ABCC8: variants seen among roughly 807,000 people sequenced by gnomAD.
ABCC8 encodes the protein ATP binding cassette subfamily C member 8, also known as ATP-binding cassette sub-family C member 8.
Under a neutral mutation model 188.0 loss-of-function variants are expected in ABCC8, and 137 were observed. The ratio of observed to expected loss-of-function variants is 0.73; its 90% confidence interval spans 0.63 to 0.84. The LOEUF (loss-of-function observed/expected upper bound fraction) is 0.84. Among genes scored for constraint, ABCC8 ranks in the 40% least tolerant of loss-of-function variants. ABCC8 has a pLI of 0.00. For synonymous variants in ABCC8, 797 were observed against 846.5 expected (o/e 0.94, Z 1.01); for missense variants, 1,750 against 2,072.7 (o/e 0.84, Z 3.02).
Position 17,397,005 on chromosome 11 carries a change from T to C in ABCC8, c.4030A>G (p.Ile1344Val). ...CGCACGCTCAGGTTCTGGATCTGGA[T>C]CTTCCCTTGGTCTGGCCAGTTCTTT... ...IPKNWPDQGK[I>V]QIQNLSVRYD... is the part of the protein sequence containing the mutation. Residue 1344 changes from isoleucine to valine, a missense_variant, in exon 33 of 39, where the codon ATC becomes GTC. Transcript: ENST00000389817. The C allele has an allele frequency of 6.2e-7, 1 of 1,614,192 alleles. No individual in the cohort carries two copies. Among genetic ancestry groups the C allele is most frequent in the Non-Finnish European group, 8.5e-7 (1 of 1,180,016 alleles).
intron 23 of ABCC8, 87 bp from the exon 24 acceptor site, chr11:17,407,540 T>C: frequency 6.3e-7 from 1 of 1,589,670 alleles, no homozygotes; most frequent in Non-Finnish European, 8.6e-7. Flanking sequence ...ACTCTGGTGA[T>C]GACCAATGTC....
chr11:17,397,238 G>C lies in ABCC8; in HGVS notation c.3943C>G (p.His1315Asp). 6.2e-7 allele frequency: 1 copy of C among 1,613,766 alleles called. No homozygotes were observed. The highest frequency in any genetic ancestry group is 1.3e-5 in the African/African-American group (1 of 75,044). The change falls in exon 32 of 39, where the codon CAT becomes GAT. Residue 1315 changes from histidine to aspartate, a missense_variant. By Grantham distance (81) the His-to-Asp change is moderately conservative. Coordinates refer to ENST00000389817, the MANE Select transcript of ABCC8 (RefSeq NM_000352.6). The part of the protein sequence containing the change: ...ELQLGAVKRI[H>D]GLLKTEAESY... ...TCTGCCTCGGTTTTCAGGAGCCCAT[G>C]GATGCGCTTCACAGCCCCCAGCTGG...
chr11:17,448,282 T>C (rs1956617345), intron 8 of ABCC8: 1 of 540,128 alleles, frequency 1.9e-6, no homozygotes, highest in Non-Finnish European at 3.3e-6. Flanking sequence ...GTTGGCTCCA[T>C]TTTTAAAGTC....
rs182340196 is a variant in ABCC8 at position 17,405,481 on chromosome 11, C to T, written c.3399+13G>A. On this transcript the variant is annotated intron_variant, in intron 27 of 38. Transcript: ENST00000389817. The stretch of plus-strand genomic sequence containing the variant: ...CTCTGGAAGGGGGGATAGTGTGGCA[C>T]GGTCCTCTGTACCTGGTCGATGGTG... 1,882 of 1,614,152 alleles carry T rather than the reference C, an allele frequency of 1.2e-3. 1 individual carries two copies. The highest frequency in any genetic ancestry group is 2.7e-3 in the African/African-American group (201 of 75,042).
At chr11:17,455,054 C>G (rs1318294691) in intron 6 of ABCC8, among the ~76,000 whole-genome samples, 1 of 152,174 alleles carries the variant, frequency 6.6e-6, no homozygotes, top group Non-Finnish European at 1.5e-5. Flanking sequence ...TTTAAAGCAA[C>G]AACACATCAT....
At chr11:17,414,782 T>A in intron 18 of ABCC8, 172 bp from the exon 19 acceptor site, 3 of 840,920 alleles carry the variant, frequency 3.6e-6, no homozygotes, top group Non-Finnish European at 4.3e-6. Flanking sequence ...CAGGCAGGTT[T>A]GAGAGGTCTG....
At chr11:17,393,943 G>C (rs912190433) in intron 37 of ABCC8, 184 bp from the exon 38 acceptor site, 1 of 774,672 alleles carries the variant, frequency 1.3e-6, no homozygotes, top group Non-Finnish European at 1.6e-6. Flanking sequence ...CCTGTTGGGA[G>C]CTCAGCTCTG....
chr11:17,474,974 A>G lies in ABCC8; in HGVS notation c.202T>C (p.Phe68Leu). ...VHIHHSTWLH[F>L]PGHNLRWILT... The stretch of plus-strand genomic sequence containing the variant: ...ATCCACCGCAGGTTGTGCCCAGGGA[A>G]ATGAAGCCATGTGCTGTGGTGGATG... The change falls in exon 2 of 39, where the codon TTC becomes CTC. Residue 68 changes from phenylalanine to leucine, a missense_variant. Phe to Leu is a conservative substitution (Grantham distance 22). Coordinates refer to ENST00000389817, the MANE Select transcript of ABCC8 (RefSeq NM_000352.6). 1.2e-6 allele frequency: 2 copies of G among 1,614,148 alleles called. No individual in the cohort carries two copies. Among genetic ancestry groups the G allele is most frequent in the Non-Finnish European group, 1.7e-6 (2 of 1,180,024 alleles).
intron 10 of ABCC8, among the ~76,000 whole-genome samples, chr11:17,439,785 G>C (rs1216282059): frequency 6.6e-6 from 1 of 152,148 alleles, no homozygotes; most frequent in Non-Finnish European, 1.5e-5. Flanking sequence ...TTGGACACGT[G>C]AGGAGTCCTG....
At chr11:17,398,808 C>T (rs1954075189) in intron 29 of ABCC8, among the ~76,000 whole-genome samples, 1 of 152,150 alleles carries the variant, frequency 6.6e-6, no homozygotes, top group Non-Finnish European at 1.5e-5. Flanking sequence ...CCTTGCCTCC[C>T]TCCCCCTCTA....
intron 3 of ABCC8, 23 bp downstream of exon 3, chr11:17,470,078 C>T: frequency 6.2e-7 from 1 of 1,613,524 alleles, no homozygotes; most frequent in Non-Finnish European, 8.5e-7. Context: ...AGGTACTGCC[C>T]CTCCCTCCTA....
intron 6 of ABCC8, among the ~76,000 whole-genome samples, chr11:17,453,955 G>A (rs981061045): frequency 4.6e-5 from 7 of 152,162 alleles, no homozygotes; most frequent in Admixed American, 1.3e-4. Context: ...TGTTGCTAAA[G>A]ATACCAGGGA....
intron 7 of ABCC8, 69 bp from the exon 8 acceptor site, chr11:17,448,740 C>T (rs1232873273): frequency 1.9e-6 from 3 of 1,612,562 alleles, no homozygotes; most frequent in Non-Finnish European, 2.5e-6. Context: ...CAGATGCCAC[C>T]TGTTACAGTG....
At chr11:17,467,084 A>ACT (rs919323206) in intron 3 of ABCC8, among the ~76,000 whole-genome samples, 9 of 151,106 alleles carry the variant, frequency 6.0e-5, no homozygotes, top group African/African-American at 2.2e-4. Flanking sequence ...ACACACACAC[A>ACT]CAACTTCCCA....
Position 17,397,208 on chromosome 11 carries a change from A to C in ABCC8, c.3973T>G (p.Tyr1325Asp). Reference sequence around the variant, plus strand: ...AGCCTCTCACCCAGGAGCCCCTCGTAGCTCTCTGCCTCGGTTTTCAGGAGC... The same window carrying C: ...AGCCTCTCACCCAGGAGCCCCTCGTCGCTCTCTGCCTCGGTTTTCAGGAGC... ...HGLLKTEAES[Y>D]EGLLAPSLIP... The change falls in exon 32 of 39, where the codon TAC becomes GAC. Residue 1325 changes from tyrosine to aspartate, a missense_variant. By Grantham distance (160) the Tyr-to-Asp change is radical. Coordinates refer to ENST00000389817, the MANE Select transcript of ABCC8 (RefSeq NM_000352.6). 1 of 1,613,566 alleles carries C rather than the reference A, an allele frequency of 6.2e-7. No individual in the cohort carries two copies. Among genetic ancestry groups the C allele is most frequent in the Non-Finnish European group, 8.5e-7 (1 of 1,179,962 alleles).
At chr11:17,403,415 C>T (rs1037578057) in intron 28 of ABCC8, among the ~76,000 whole-genome samples, 1 of 152,110 alleles carries the variant, frequency 6.6e-6, no homozygotes, top group Non-Finnish European at 1.5e-5. Flanking sequence ...GTTTCTCTGG[C>T]AGAAGAAATG....
chr11:17,456,354 GAATA>G (rs1430024220), intron 6 of ABCC8, among the ~76,000 whole-genome samples: 1 of 148,114 alleles, frequency 6.8e-6, no homozygotes, highest in Non-Finnish European at 1.5e-5. Flanking sequence ...CTGCTGAGGA[GAATA>G]AATGAGTTAG....
At chr11:17,417,150 G>T in intron 16 of ABCC8, 188 bp from the exon 17 acceptor site, 2 of 821,068 alleles carry the variant, frequency 2.4e-6, no homozygotes, top group Non-Finnish European at 2.9e-6. Context: ...ACAGCACCTG[G>T]ATGGGTACCC....
At chr11:17,471,527 T>C (rs1251943258) in intron 2 of ABCC8, among the ~76,000 whole-genome samples, 1 of 152,206 alleles carries the variant, frequency 6.6e-6, no homozygotes, top group Non-Finnish European at 1.5e-5. Flanking sequence ...AGCAGCAATA[T>C]ACCCAGCCCC....
Sources: allele counts gnomAD v4.1 joint callset (sites outside exome capture counted in the v4.1 genomes callset), GRCh38; gene constraint gnomAD v4.1.1; transcripts MANE v1.5; gene names NCBI Gene and HGNC (gene_info 2026-07-23, HGNC 2026-07-21).